DENND1A: variants seen among roughly 807,000 people sequenced by gnomAD.
DENND1A encodes DENN domain containing 1A.
DENND1A carries 51 observed loss-of-function variants against 113.7 expected under a neutral mutation model. The ratio of observed to expected loss-of-function variants is 0.45; its 90% CI spans 0.36 to 0.57. The LOEUF (loss-of-function observed/expected upper bound fraction) is 0.57. Among genes scored for constraint, DENND1A ranks in the 20% least tolerant of loss-of-function variants. The pLI, the probability that DENND1A is intolerant of heterozygous loss-of-function variation, is 0.00. For missense variants in DENND1A, 1,258 were observed against 1,395.9 expected (o/e 0.90, Z 1.57); for synonymous variants, 565 against 570.8 (o/e 0.99, Z 0.14).
chr9:123,476,027 G>T (rs2049881897), intron 13 of DENND1A, among the ~76,000 whole-genome samples: 1 of 152,102 alleles, frequency 6.6e-6, no homozygotes, highest in African/African-American at 2.4e-5. Context: ...CCTACCAGAA[G>T]TACAAAAATT....
chr9:123,812,963 G>C (rs1192564493), intron 2 of DENND1A, among the ~76,000 whole-genome samples: 1 of 152,046 alleles, frequency 6.6e-6, no homozygotes, highest in Non-Finnish European at 1.5e-5. Context: ...GTTTCTTTGT[G>C]GTTTTTGGAA....
chr9:123,552,746 C>T (rs1285682746), intron 13 of DENND1A, among the ~76,000 whole-genome samples: 1 of 152,254 alleles, frequency 6.6e-6, no homozygotes, highest in Non-Finnish European at 1.5e-5. Flanking sequence ...CTGGCACCCG[C>T]CTCAGGGGCC....
intron 13 of DENND1A, among the ~76,000 whole-genome samples, chr9:123,460,153 A>G (rs1401816814): frequency 2.0e-5 from 3 of 152,196 alleles, no homozygotes; most frequent in Non-Finnish European, 4.4e-5. Context: ...TGCAAACTTT[A>G]TTTTGTGTAC....
chr9:123,684,484 C>T (rs181481003), intron 5 of DENND1A, among the ~76,000 whole-genome samples: 1 of 152,332 alleles, frequency 6.6e-6, no homozygotes, highest in African/African-American at 2.4e-5. Flanking sequence ...CACATCTTCT[C>T]CCCTATTATA....
chr9:123,457,354 A>G lies in DENND1A; in HGVS notation c.1180T>C (p.Tyr394His). 3 of 1,613,596 alleles carry G rather than the reference A, an allele frequency of 1.9e-6. No homozygotes were observed. Among genetic ancestry groups the G allele is most frequent in the Non-Finnish European group, 2.5e-6 (3 of 1,179,566 alleles). The change falls in exon 15 of 24, where the codon TAC becomes CAC. Residue 394 changes from tyrosine to histidine, a missense_variant. Coordinates refer to ENST00000394215, the MANE Select transcript of DENND1A (RefSeq NM_001352964.2). ...AAAATGAGTTGCTTCTCACCAGCGTACTCGCCCATGTTGATTTCCTCTTCA... is the reference window on the plus strand; with the variant it reads ...AAAATGAGTTGCTTCTCACCAGCGTGCTCGCCCATGTTGATTTCCTCTTCA... ...VFEEEINMGE[Y>H]AGSDKLYHQW... is the part of the protein sequence containing the mutation.
intron 12 of DENND1A, among the ~76,000 whole-genome samples, chr9:123,577,491 G>C (rs1292642449): frequency 1.3e-5 from 2 of 151,992 alleles, no homozygotes; most frequent in African/African-American, 4.8e-5. Context: ...CCTCTTGTTA[G>C]GGGTGACATT....
At chr9:123,456,402 C>T (rs1011685106) in intron 15 of DENND1A, among the ~76,000 whole-genome samples, 1 of 152,136 alleles carries the variant, frequency 6.6e-6, no homozygotes, top group Non-Finnish European at 1.5e-5. Flanking sequence ...GAGGTAGACT[C>T]AGCCACCAAC....
chr9:123,464,397 T>C (rs954228383), intron 13 of DENND1A, among the ~76,000 whole-genome samples: 1 of 152,210 alleles, frequency 6.6e-6, no homozygotes, highest in African/African-American at 2.4e-5. Context: ...GGGAATATTA[T>C]TCAGCCCTAA....
chr9:123,503,486 A>G (rs1004230435), intron 13 of DENND1A, among the ~76,000 whole-genome samples: 2 of 152,182 alleles, frequency 1.3e-5, no homozygotes, highest in Non-Finnish European at 2.9e-5. Flanking sequence ...AATGTTATCT[A>G]TGAGCTCTTG....
At chr9:123,818,517 T>TACACAC (rs1469959491) in intron 2 of DENND1A, among the ~76,000 whole-genome samples, 4 of 123,160 alleles carry the variant, frequency 3.2e-5, no homozygotes, top group Non-Finnish European at 6.6e-5. Flanking sequence ...TATACATACA[T>TACACAC]ATACACACAC....
chr9:123,833,583 G>A (rs912314351), intron 2 of DENND1A, among the ~76,000 whole-genome samples: 1 of 152,064 alleles, frequency 6.6e-6, no homozygotes, highest in Non-Finnish European at 1.5e-5. Flanking sequence ...AAGTCATCAT[G>A]AGCTTCACTA....
intron 5 of DENND1A, among the ~76,000 whole-genome samples, chr9:123,719,828 C>T (rs2067221095): frequency 6.6e-6 from 1 of 152,078 alleles, no homozygotes; most frequent in African/African-American, 2.4e-5. Flanking sequence ...TGATGGCAAC[C>T]CATCACATAA....
intron 1 of DENND1A, among the ~76,000 whole-genome samples, chr9:123,916,295 G>A (rs149318032): frequency 6.6e-6 from 1 of 151,786 alleles, no homozygotes; most frequent in Non-Finnish European, 1.5e-5. Flanking sequence ...AAGTTAAGGG[G>A]CGAAAAGTAT....
chr9:123,535,015 T>A (rs749889590), intron 13 of DENND1A, among the ~76,000 whole-genome samples: 2 of 152,018 alleles, frequency 1.3e-5, no homozygotes, highest in African/African-American at 4.8e-5. Flanking sequence ...CCAGAAGACA[T>A]CCTTAATTCT....
rs2042195903 is a variant in DENND1A at position 123,379,998 on chromosome 9, G to A, written c.*1434C>T. 1 of 152,294 alleles carries A rather than the reference G, an allele frequency of 6.6e-6. No homozygotes were observed. The highest frequency in any genetic ancestry group is 1.5e-5 in the Non-Finnish European group (1 of 68,084). The allele number at this position is 152,294 out of a possible 1,614,324, so 9.4% of individuals were successfully genotyped here. A position where few individuals can be genotyped will look rare whatever the true frequency, so the allele number is the denominator to read the frequency against. On this transcript the variant is annotated 3_prime_UTR_variant, in exon 24 of 24. Transcript: ENST00000394215. ...AGCCAGACAGGTCACGGTTGACCCA[G>A]GAAGAGCCATGTGCCAGGATGGCCG...
chr9:123,592,668 ATTTAT>A (rs1463363790), intron 11 of DENND1A, among the ~76,000 whole-genome samples: 24 of 151,922 alleles, frequency 1.6e-4, no homozygotes, highest in East Asian at 9.7e-4. Flanking sequence ...GTTGGTTTGG[ATTTAT>A]TTTATTTTAT....
At chr9:123,400,054 C>T (rs1465769431) in intron 21 of DENND1A, 3 of 152,182 alleles carry the variant, frequency 2.0e-5, no homozygotes, top group Admixed American at 6.5e-5. Flanking sequence ...AGCCCCTGGG[C>T]GTCACATCAG....
chr9:123,542,411 T>C (rs1053101896), intron 13 of DENND1A, among the ~76,000 whole-genome samples: 2 of 152,150 alleles, frequency 1.3e-5, no homozygotes, highest in African/African-American at 4.8e-5. Flanking sequence ...GGTCTTTCAC[T>C]TCATTATGCT....
intron 12 of DENND1A, among the ~76,000 whole-genome samples, chr9:123,566,396 T>C (rs2058054059): frequency 6.6e-6 from 1 of 152,188 alleles, no homozygotes; most frequent in Non-Finnish European, 1.5e-5. Flanking sequence ...TGGAGTTCCA[T>C]GCTGGAGCTG....
Sources: allele counts gnomAD v4.1 joint callset (sites outside exome capture counted in the v4.1 genomes callset), GRCh38; gene constraint gnomAD v4.1.1; transcripts MANE v1.5; gene names NCBI Gene and HGNC (gene_info 2026-07-23, HGNC 2026-07-21).